The following COL16A1 variants were observed in gnomAD, a reference collection of about 807,000 sequenced individuals.
COL16A1 encodes the protein collagen type XVI alpha 1 chain.
A neutral mutation model predicts 266.3 loss-of-function variants in COL16A1; 189 were observed. That is an observed-to-expected ratio of 0.71 (90% CI 0.63 to 0.80). The LOEUF (loss-of-function observed/expected upper bound fraction) is 0.80, where lower values mean the gene tolerates loss of function less well. COL16A1 is among the 30% of genes least tolerant of loss of function. The probability of loss-of-function intolerance (pLI) is 0.00; values close to 1 mark genes in which losing one functional copy is unlikely to be tolerated. For synonymous variants in COL16A1, 740 were observed against 782.3 expected, an observed-to-expected ratio of 0.95 and a Z score of 0.90; for missense variants, 1,928 against 2,122.4, an observed-to-expected ratio of 0.91 and a Z score of 1.80.
rs1276191385 is a variant in COL16A1, at chr1:31,670,614, G to A, written c.3183C>T (p.Ser1061=). The part of the protein sequence containing the change: ...GPPGFPGAVG[S]PGLPGLQGER... ...GCTAGGTTCTTACAGGCAATCCGGG[G>A]GAGCCAACAGCACCAGGAAAACCTG... The change falls in exon 49 of 71, where the codon TCC becomes TCT. Residue 1061 remains serine (S), a synonymous_variant. Coordinates refer to ENST00000373672, the MANE Select transcript of COL16A1 (RefSeq NM_001856.4). The surrounding 1 kb of genome is among the most constrained non-coding windows in gnomAD (Gnocchi z 4.5). 1 of 1,415,452 alleles carries A rather than the reference G, an allele frequency of 7.1e-7. No homozygotes were observed. The highest frequency in any genetic ancestry group is 9.2e-7 in the Non-Finnish European group (1 of 1,087,242). 87.7% of individuals were successfully genotyped at this position (1,415,452 alleles called of 1,614,324 possible).
intron 42 of COL16A1, among the ~76,000 whole-genome samples, chr1:31,676,586 A>G (rs1643206187): frequency 6.6e-6 from 1 of 152,156 alleles, no homozygotes; most frequent in African/African-American, 2.4e-5. Context: ...GGGGAAAAAA[A>G]TTCTATGCCT....
At chr1:31,661,911 T>C (rs1641705736) in intron 58 of COL16A1, among the ~76,000 whole-genome samples, 1 of 152,116 alleles carries the variant, frequency 6.6e-6, no homozygotes, top group Non-Finnish European at 1.5e-5. Flanking sequence ...TTGGGATATA[T>C]AAGGGGGTTG....
Position 31,680,809 on chromosome 1 carries a change from A to G in COL16A1, c.2610+96T>C, listed in dbSNP as rs893028275. ...CCCTGGTTCATGGTGGGAAGGCTGG[A>G]GGGGCTGCTAATCCCCCAGAGTACG... On this transcript the variant is annotated intron_variant, in intron 39 of 70. Transcript: ENST00000373672. 13 of 1,599,306 alleles carry G rather than the reference A, an allele frequency of 8.1e-6. No individual in the cohort carries two copies. In the East Asian group the frequency reaches 2.0e-4, roughly 25 times the overall value.
intron 31 of COL16A1, 37 bp from the exon 32 acceptor site, chr1:31,684,268 C>T (rs1289363686): frequency 3.3e-5 from 48 of 1,454,672 alleles, no homozygotes; most frequent in Middle Eastern, 2.3e-4. Context: ...GCCCATGAGC[C>T]GGGGCTGGCA....
At position 31,686,142 on chromosome 1, in the gene COL16A1, G is replaced by A. The variant is rs1643961472; in HGVS notation, c.1840-7C>T. The A allele has an allele frequency of 6.2e-7, 1 of 1,613,964 alleles. No individual in the cohort carries two copies. Among genetic ancestry groups the A allele is most frequent in the Non-Finnish European group, 8.5e-7 (1 of 1,180,038 alleles). On this transcript the variant is annotated splice_polypyrimidine_tract_variant and splice_region_variant and intron_variant, in intron 27 of 70. Coordinates refer to ENST00000373672, the MANE Select transcript of COL16A1 (RefSeq NM_001856.4). ...CCACTGGTCCTGGTGGCCCCTGCAT[G>A]TTAAGACGCTACAGGTAATGCCCAG...
intron 18 of COL16A1, 36 bp from the exon 19 acceptor site, chr1:31,691,548 C>T (rs774477097): frequency 6.2e-7 from 1 of 1,614,012 alleles, no homozygotes; most frequent in South Asian, 1.1e-5. Context: ...AGAGAGCTGC[C>T]ACCCCAGCCC....
rs1473626975 is a variant in COL16A1 at position 31,698,155 on chromosome 1, G to A, written c.408C>T (p.Asn136=). The A allele has an allele frequency of 6.2e-7, 1 of 1,613,826 alleles. No homozygotes were observed. The highest frequency in any genetic ancestry group is 1.7e-5 in the Admixed American group (1 of 60,030). The change falls in exon 6 of 71, where the codon AAC becomes AAT. Residue 136 remains asparagine (N), a synonymous_variant. Transcript: ENST00000373672. This position sits in a 1 kb window ranked among gnomAD's most constrained non-coding sequence, Gnocchi z 4.1. ...NGYPQISLEV[N]SQERSLELRA... ...TGAGCTCCAGGCTCCGCTCTTGGCT[G>A]TTGACTTCCAGGGATATCTGGGTAG...
chr1:31,697,851 C>G lies in COL16A1; in HGVS notation c.657+55G>C. On this transcript the variant is annotated intron_variant, in intron 6 of 70. Transcript: ENST00000373672. The surrounding 1 kb of genome is among the most constrained non-coding windows in gnomAD (Gnocchi z 4.2). Reference sequence around the variant, plus strand: ...TGTTCCGATACGGATTCCAGGAAGCCCACTCAGGTTCCCAGAAGGCAGGAA... The same window carrying G: ...TGTTCCGATACGGATTCCAGGAAGCGCACTCAGGTTCCCAGAAGGCAGGAA... The G allele has an allele frequency of 6.5e-7, 1 of 1,536,416 alleles. No individual in the cohort carries two copies. The highest frequency in any genetic ancestry group is 8.8e-7 in the Non-Finnish European group (1 of 1,141,454).
intron 11 of COL16A1, 127 bp from the exon 12 acceptor site, chr1:31,694,297 C>T: frequency 1.5e-6 from 1 of 667,072 alleles, no homozygotes; most frequent in Non-Finnish European, 2.4e-6. Context: ...TATCCCAGCC[C>T]CTGCTCTGCT....
At position 31,652,656 on chromosome 1, in the gene COL16A1, C is replaced by A; in HGVS notation, c.4810G>T (p.Gly1604Cys). 1 of 1,572,366 alleles carries A rather than the reference C, an allele frequency of 6.4e-7. No homozygotes were observed. Among genetic ancestry groups the A allele is most frequent in the South Asian group, 1.2e-5 (1 of 84,138 alleles). The change falls in exon 71 of 71, where the codon GGC becomes TGC. Residue 1604 changes from glycine to cysteine, a missense_variant. By Grantham distance (159) the Gly-to-Cys change is radical (BLOSUM62 -3). Transcript: ENST00000373672. This position sits in a 1 kb window ranked among gnomAD's most constrained non-coding sequence, Gnocchi z 4.8. ...PPMKTMKGPF[G>C] ...CCAAAGGCAGGTGGGGAATTTCAGC[C>A]AAAAGGCCCCTTCATGGTTTTCATG... is the stretch of plus-strand genomic sequence containing the variant.
Position 31,679,851 on chromosome 1 carries a change from C to T in COL16A1, c.2671G>A (p.Gly891Ser). The change falls in exon 41 of 71, where the codon GGT (glycine) becomes AGT (serine). Residue 891 changes from glycine to serine, a missense_variant and splice_region_variant. Transcript: ENST00000373672. ...CTGCCCATCCAAAGTCCCGGAGCAC[C>T]CTGGGTGGGAGTGGGGGTCGCAAAA... ...QGDLIFSGMP[G>S]APGLWMGSSW... The T allele has an allele frequency of 6.6e-7, 1 of 1,521,286 alleles. No individual in the cohort carries two copies. Among genetic ancestry groups the T allele is most frequent in the African/African-American group, 1.4e-5 (1 of 72,160 alleles). The allele number at this position is 1,521,286 out of a possible 1,614,324, so 94.2% of individuals were successfully genotyped here.
rs768283539 is a variant in COL16A1 at position 31,658,473 on chromosome 1, A to G, written c.4020+15T>C. On this transcript the variant is annotated intron_variant, in intron 64 of 70. Coordinates refer to ENST00000373672, the MANE Select transcript of COL16A1 (RefSeq NM_001856.4). ...TCTTTCCCCCTGGGCTATGCTGTAG[A>G]ATGTGGGATCTTACTGGGGGGCCAG... is the stretch of plus-strand genomic sequence containing the variant. The G allele has an allele frequency of 1.0e-5, 16 of 1,590,146 alleles. No homozygotes were observed. The highest frequency in any genetic ancestry group is 1.3e-5 in the Non-Finnish European group (15 of 1,166,512).
intron 1 of COL16A1, 73 bp from the exon 2 acceptor site, chr1:31,702,300 G>A: frequency 6.6e-7 from 1 of 1,512,966 alleles, no homozygotes; most frequent in South Asian, 1.2e-5. Flanking sequence ...GGCAAGTCGT[G>A]GACAGCCTGT....
In COL16A1 at chr1:31,680,079, C is replaced by T. The variant is rs377432629; in HGVS notation, c.2633G>A (p.Cys878Tyr). ...GAAGATGAGGTCTCCTTGAGAGGGG[C>T]AGGAGCACTCCCCTGGCTCACCCTG... ...GEKGEPGECS[C>Y]PSQGDLIFSG... Residue 878 changes from cysteine (C) to tyrosine (Y), a missense_variant, in exon 40 of 71, where the codon TGC (cysteine) becomes TAC (tyrosine). By Grantham distance (194) the Cys-to-Tyr change is radical (BLOSUM62 -2). Coordinates refer to ENST00000373672, the MANE Select transcript of COL16A1 (RefSeq NM_001856.4). The T allele has an allele frequency of 2.4e-5, 38 of 1,613,856 alleles. No individual in the cohort carries two copies. The highest frequency in any genetic ancestry group is 3.1e-5 in the Non-Finnish European group (36 of 1,179,876).
intron 2 of COL16A1, chr1:31,701,350 A>G (rs1644716711): frequency 2.3e-5 from 23 of 985,324 alleles, no homozygotes; most frequent in African/African-American, 3.5e-5. Context: ...GCAGAAACAC[A>G]TATGTGCACA....
At position 31,652,431 on chromosome 1, in the gene COL16A1, G is replaced by A. The variant is rs986922737; in HGVS notation, c.*220C>T. On this transcript the variant is annotated 3_prime_UTR_variant, in exon 71 of 71. Transcript: ENST00000373672. This position sits in a 1 kb window ranked among gnomAD's most constrained non-coding sequence, Gnocchi z 4.8. ...CCCTTTTTTGTTCCTGGGACTAAAC[G>A]GGAAAAGGAGGGCAACAGGGAGCTC... is the stretch of plus-strand genomic sequence containing the variant. The A allele has an allele frequency of 1.1e-5, 5 of 439,912 alleles. No homozygotes were observed. The highest frequency in any genetic ancestry group is 1.9e-5 in the Non-Finnish European group (5 of 266,352). The allele number at this position is 439,912 out of a possible 1,614,324, so 27.3% of individuals were successfully genotyped here.
intron 12 of COL16A1, 60 bp downstream of exon 12, chr1:31,694,084 G>T: frequency 1.3e-6 from 2 of 1,515,644 alleles, no homozygotes; most frequent in Non-Finnish European, 1.8e-6. Flanking sequence ...GTCACATGCT[G>T]TGGGAATGGC....
chr1:31,659,527 C>T (rs907119373), intron 62 of COL16A1: 2 of 158,860 alleles, frequency 1.3e-5, no homozygotes, highest in Non-Finnish European at 2.8e-5. Context: ...AATGCCCTTC[C>T]CTAGCTCTGA....
chr1:31,695,815 T>A (rs537750988), intron 9 of COL16A1, 28 bp from the exon 10 acceptor site: 33 of 1,606,982 alleles, frequency 2.1e-5, no homozygotes, highest in Non-Finnish European at 2.7e-5. Flanking sequence ...GGTGTGGGAA[T>A]GGGCAGGGAG....
Sources: gnomAD v4.1 joint callset for allele counts (sites outside exome capture counted in the v4.1 genomes callset) on GRCh38, gnomAD v4.1.1 for gene constraint, Gnocchi (gnomAD v3.1) non-coding constraint, MANE v1.5 for transcripts, NCBI Gene and HGNC (gene_info 2026-07-23, HGNC 2026-07-21) for gene names.